NCKAP1: variants seen among roughly 807,000 people sequenced by gnomAD.
The protein encoded by NCKAP1 is NCK associated protein 1, also known as nck-associated protein 1.
In NCKAP1, 21 loss-of-function variants were observed where a neutral mutation model predicts 151.2. The observed-to-expected ratio is 0.14, with a 90% confidence interval of 0.10 to 0.20. The LOEUF (loss-of-function observed/expected upper bound fraction) is 0.20. NCKAP1 is among the 10% of genes least tolerant of loss of function. The pLI is 1.00. For missense variants in NCKAP1, 933 were observed against 1,352.1 expected (o/e 0.69, Z 4.86); for synonymous variants, 484 against 451.8 (o/e 1.07, Z -0.90).
intron 1 of NCKAP1, among the ~76,000 whole-genome samples, chr2:183,026,606 GCA>G (rs2105896362): frequency 6.6e-6 from 1 of 152,076 alleles, no homozygotes; most frequent in African/African-American, 2.4e-5. Context: ...TAATTGGGAG[GCA>G]GTATGTCTCA....
rs113381019 is a variant in NCKAP1, at chr2:182,996,756, G to T, written c.604-918C>A. Among the ~76,000 whole-genome samples, 327 of 152,092 alleles carry T rather than the reference G, an allele frequency of 2.2e-3. 2 individuals are homozygous for T. The highest frequency in any genetic ancestry group is 4.1e-3 in the South Asian group (20 of 4,820). ...CAGGCGTGAGCCACCACGCCTGGCT[G>T]TAAGAGTGATTCTTTAATCTGACTG... On this transcript the variant is annotated intron_variant, in intron 6 of 30. Coordinates refer to ENST00000361354, the MANE Select transcript of NCKAP1 (RefSeq NM_013436.5).
intron 6 of NCKAP1, among the ~76,000 whole-genome samples, chr2:183,001,072 G>T (rs890150327): frequency 5.3e-5 from 8 of 152,216 alleles, no homozygotes; most frequent in Non-Finnish European, 1.2e-4. Context: ...CGGCTGGGGC[G>T]ACAGAGCGAG....
At chr2:182,926,586 TA>T (rs953011109) in intron 30 of NCKAP1, among the ~76,000 whole-genome samples, 3 of 152,044 alleles carry the variant, frequency 2.0e-5, no homozygotes, top group Admixed American at 2.0e-4. Context: ...AAACTGTTCA[TA>T]AAAGAATACC....
intron 6 of NCKAP1, 21 bp downstream of exon 6, chr2:183,001,932 T>C (rs1446861005): frequency 6.3e-7 from 1 of 1,588,540 alleles, no homozygotes; most frequent in Non-Finnish European, 8.6e-7. Context: ...TTCTCTCATA[T>C]GCCTAACAAC....
At chr2:182,992,314 T>C (rs906778722) in intron 8 of NCKAP1, among the ~76,000 whole-genome samples, 1 of 152,200 alleles carries the variant, frequency 6.6e-6, no homozygotes, top group Non-Finnish European at 1.5e-5. Context: ...GCAAAATTCA[T>C]TCCTTATTTT....
chr2:182,961,552 G>C (rs1001771998), intron 18 of NCKAP1, among the ~76,000 whole-genome samples: 1 of 152,088 alleles, frequency 6.6e-6, no homozygotes, highest in African/African-American at 2.4e-5. Context: ...ACACAGGAAG[G>C]GGAACATCAC....
rs993945831 is a variant in NCKAP1, at chr2:182,923,722, G to C, written c.*1980C>G. 2.0e-5 allele frequency: 3 copies of C among 152,142 alleles called. No homozygotes were observed. The highest frequency in any genetic ancestry group is 4.8e-5 in the African/African-American group (2 of 41,448). 9.4% of individuals were successfully genotyped at this position (152,142 alleles called of 1,614,324 possible). ...GAGAAAACAACAAAAATAGTATGTT[G>C]TTGTGTAAGTTTAGAAGAAAATAAA... On this transcript the variant is annotated 3_prime_UTR_variant, in exon 31 of 31. Coordinates refer to ENST00000361354, the MANE Select transcript of NCKAP1 (RefSeq NM_013436.5).
In NCKAP1 at chr2:182,919,336, G is replaced by A. The variant is rs1336737302; in HGVS notation, c.*6366C>T. On this transcript the variant is annotated 3_prime_UTR_variant, in exon 31 of 31. Coordinates refer to ENST00000361354, the MANE Select transcript of NCKAP1 (RefSeq NM_013436.5). ...ACATTCAGCATTAACCTGTAAAGTT[G>A]TGTACTACCTGCTCCTCAGCTTCAG... 6.6e-6 allele frequency: 1 copy of A among 152,214 alleles called. No homozygotes were observed. The highest frequency in any genetic ancestry group is 1.5e-5 in the Non-Finnish European group (1 of 68,058). 9.4% of individuals were successfully genotyped at this position (152,214 alleles called of 1,614,324 possible). A position where few individuals can be genotyped will look rare whatever the true frequency, so the allele number is the denominator to read the frequency against.
chr2:183,001,619 C>T (rs1192921177), intron 6 of NCKAP1, among the ~76,000 whole-genome samples: 1 of 152,062 alleles, frequency 6.6e-6, no homozygotes, highest in Non-Finnish European at 1.5e-5. Context: ...AGTAACTCGA[C>T]AAATATTATA....
At chr2:182,967,166 AT>A in intron 16 of NCKAP1, 49 bp downstream of exon 16, 1 of 1,512,500 alleles carries the variant, frequency 6.6e-7, no homozygotes, top group Non-Finnish European at 9.0e-7. Context: ...AGAAACATAT[AT>A]CGCATACTAA....
At chr2:183,035,283 TAA>T (rs962780096) in intron 1 of NCKAP1, among the ~76,000 whole-genome samples, 6 of 144,214 alleles carry the variant, frequency 4.2e-5, no homozygotes, top group Admixed American at 1.4e-4. Flanking sequence ...CTGATGAAAT[TAA>T]AAAAAAAAAA....
intron 17 of NCKAP1, 106 bp downstream of exon 17, chr2:182,964,570 T>C: frequency 1.1e-6 from 1 of 915,180 alleles, no homozygotes; most frequent in South Asian, 3.0e-5. Flanking sequence ...ATGTATTCGA[T>C]GGGAAGCTAA....
intron 28 of NCKAP1, among the ~76,000 whole-genome samples, 196 bp from the exon 29 acceptor site, chr2:182,928,422 C>T (rs997381315): frequency 6.6e-6 from 1 of 152,036 alleles, no homozygotes; most frequent in Admixed American, 6.6e-5. Context: ...GAGTAACAAA[C>T]GATCGTGTAT....
intron 1 of NCKAP1, among the ~76,000 whole-genome samples, chr2:183,026,387 A>G (rs1698897771): frequency 6.6e-6 from 1 of 151,952 alleles, no homozygotes; most frequent in African/African-American, 2.4e-5. Context: ...GAGGGAGAAG[A>G]TCACTTGAGA....
chr2:183,004,634 A>G (rs988070464), intron 2 of NCKAP1, among the ~76,000 whole-genome samples: 1 of 152,182 alleles, frequency 6.6e-6, no homozygotes, highest in Non-Finnish European at 1.5e-5. Context: ...CTGTAATCCC[A>G]GCACTTTGGA....
chr2:182,966,371 C>G (rs1002196163), intron 16 of NCKAP1, among the ~76,000 whole-genome samples: 2 of 151,722 alleles, frequency 1.3e-5, no homozygotes, highest in Non-Finnish European at 2.9e-5. Context: ...CTGCAACCTC[C>G]GCCTCCCAGG....
chr2:182,999,876 A>G (rs1698345040), intron 6 of NCKAP1, among the ~76,000 whole-genome samples: 2 of 152,210 alleles, frequency 1.3e-5, no homozygotes, highest in Non-Finnish European at 2.9e-5. Flanking sequence ...ACTGGAGGCC[A>G]TTATCAAAAG....
intron 8 of NCKAP1, among the ~76,000 whole-genome samples, chr2:182,994,163 C>CTT (rs1698221586): frequency 6.6e-6 from 1 of 152,124 alleles, no homozygotes; most frequent in African/African-American, 2.4e-5. Context: ...AAACCAAAAA[C>CTT]TTTAAGTGAA....
intron 2 of NCKAP1, among the ~76,000 whole-genome samples, chr2:183,010,670 G>A (rs1030311310): frequency 6.6e-6 from 1 of 152,068 alleles, no homozygotes; most frequent in Non-Finnish European, 1.5e-5. Context: ...GGCTATAGAT[G>A]GTCAAATTAA....
Sources: allele counts gnomAD v4.1 joint callset (sites outside exome capture counted in the v4.1 genomes callset), GRCh38; gene constraint gnomAD v4.1.1; transcripts MANE v1.5; gene names NCBI Gene and HGNC (gene_info 2026-07-23, HGNC 2026-07-21).